Variants in GABRB1 observed in about 807,000 individuals in gnomAD.
GABRB1 encodes the protein gamma-aminobutyric acid type A receptor subunit beta1.
In GABRB1, 17 loss-of-function variants were observed where a neutral mutation model predicts 51.6. The observed-to-expected ratio is 0.33, with a 90% confidence interval of 0.23 to 0.49. GABRB1 has a LOEUF of 0.49. Ranked by LOEUF, GABRB1 falls within the 20% of genes least tolerant of loss-of-function variation. The pLI is 0.99. For missense variants in GABRB1, 410 were observed against 600.6 expected (o/e 0.68, Z 3.32); for synonymous variants, 247 against 218.9 (o/e 1.13, Z -1.14).
At chr4:47,215,805 C>A (rs1222156993) in intron 4 of GABRB1, among the ~76,000 whole-genome samples, 1 of 152,026 alleles carries the variant, frequency 6.6e-6, no homozygotes, top group African/African-American at 2.4e-5. Context: ...TGTATAGATG[C>A]TCAAACACCC....
intron 3 of GABRB1, among the ~76,000 whole-genome samples, chr4:47,079,993 A>T (rs7666148): frequency 0.8 from 120,911 of 151,868 alleles, 48,525 homozygotes; most frequent in South Asian, 0.85. Context: ...AAACTTAAAG[A>T]ATAATAAAAA....
chr4:47,142,099 G>A (rs1368999020), intron 3 of GABRB1, among the ~76,000 whole-genome samples: 2 of 151,880 alleles, frequency 1.3e-5, no homozygotes, highest in African/African-American at 4.8e-5. Context: ...TTCAATAAAT[G>A]TGATAAATGC....
At chr4:47,001,263 C>T (rs1724172788) in intron 1 of GABRB1, among the ~76,000 whole-genome samples, 2 of 152,108 alleles carry the variant, frequency 1.3e-5, no homozygotes, top group Non-Finnish European at 1.5e-5. Context: ...CTGCCTCAGC[C>T]TCCCGAGTAG....
chr4:47,013,456 G>A (rs1178655628), intron 1 of GABRB1, among the ~76,000 whole-genome samples: 1 of 152,108 alleles, frequency 6.6e-6, no homozygotes, highest in Non-Finnish European at 1.5e-5. Context: ...ACTGTGCCCG[G>A]TCTGTGCAGA....
intron 3 of GABRB1, among the ~76,000 whole-genome samples, chr4:47,060,016 C>T (rs528307025): frequency 6.6e-6 from 1 of 152,284 alleles, no homozygotes; most frequent in East Asian, 1.9e-4. Flanking sequence ...ATTTTTGACT[C>T]ATCAATCACT....
At chr4:47,115,230 C>T (rs1560541144) in intron 3 of GABRB1, among the ~76,000 whole-genome samples, 1 of 152,110 alleles carries the variant, frequency 6.6e-6, no homozygotes, top group Non-Finnish European at 1.5e-5. Context: ...CTTCTTATCC[C>T]CAGGCTTTTT....
At chr4:47,077,238 C>G (rs955209452) in intron 3 of GABRB1, among the ~76,000 whole-genome samples, 1 of 152,114 alleles carries the variant, frequency 6.6e-6, no homozygotes, top group African/African-American at 2.4e-5. Context: ...ATTTAAGGAG[C>G]TGAGTTCCCA....
intron 3 of GABRB1, among the ~76,000 whole-genome samples, chr4:47,127,160 T>C (rs934534253): frequency 1.3e-5 from 2 of 151,854 alleles, no homozygotes; most frequent in African/African-American, 4.8e-5. Context: ...TTATAGTATC[T>C]TTTTTGGATT....
At chr4:47,024,173 T>G (rs768331297) in intron 1 of GABRB1, among the ~76,000 whole-genome samples, 8 of 151,998 alleles carry the variant, frequency 5.3e-5, no homozygotes, top group South Asian at 2.1e-4. Context: ...TTGTTCTTCT[T>G]GTTGTGTACT....
intron 1 of GABRB1, among the ~76,000 whole-genome samples, chr4:47,005,349 C>T (rs1295228042): frequency 6.6e-6 from 1 of 152,086 alleles, no homozygotes; most frequent in Non-Finnish European, 1.5e-5. Flanking sequence ...ACCCGAGAGG[C>T]GGAGCTTGCA....
At chr4:47,183,345 C>CATATATAT (rs57840134) in intron 4 of GABRB1, among the ~76,000 whole-genome samples, 1,672 of 124,246 alleles carry the variant, frequency 0.013, 11 homozygotes, top group South Asian at 0.017. Context: ...TGTGTGTGTG[C>CATATATAT]ATATATATAT....
At chr4:47,327,895 C>T (rs1358121205) in intron 5 of GABRB1, among the ~76,000 whole-genome samples, 1 of 152,116 alleles carries the variant, frequency 6.6e-6, no homozygotes, top group Non-Finnish European at 1.5e-5. Flanking sequence ...CACTGACTTC[C>T]ACAATGGTTG....
intron 3 of GABRB1, among the ~76,000 whole-genome samples, chr4:47,057,565 G>A (rs1408589977): frequency 2.0e-5 from 3 of 152,198 alleles, no homozygotes; most frequent in Non-Finnish European, 4.4e-5. Context: ...CGTATCCTGT[G>A]CACATGCAGT....
intron 1 of GABRB1, among the ~76,000 whole-genome samples, chr4:47,017,466 G>A (rs1206054218): frequency 4.6e-5 from 7 of 152,134 alleles, no homozygotes; most frequent in Non-Finnish European, 2.9e-5. Context: ...ATATGAGATA[G>A]ACTTCTTTGA....
rs562805546 is a variant in GABRB1, at chr4:47,175,163, C to T, written c.461+13694C>T. The stretch of plus-strand genomic sequence containing the variant: ...TTCTTTCCTCTCTCTTTTCTTCTTT[C>T]TTTATCTTTCTTTCTTTTCTTTCTC... On this transcript the variant is annotated intron_variant, in intron 4 of 8. Coordinates refer to ENST00000295454, the MANE Select transcript of GABRB1 (RefSeq NM_000812.4). 6.8e-5 allele frequency among the ~76,000 whole-genome samples: 10 copies of T among 146,134 alleles called. No homozygotes were observed. In the South Asian group the frequency reaches 1.7e-3, roughly 25 times the overall value.
chr4:47,250,300 G>C (rs931663617), intron 4 of GABRB1, among the ~76,000 whole-genome samples: 1 of 152,172 alleles, frequency 6.6e-6, no homozygotes, highest in Non-Finnish European at 1.5e-5. Context: ...TTAGCTTGTA[G>C]GGTTTCTGCT....
chr4:47,297,061 C>T (rs1724029169), intron 4 of GABRB1, among the ~76,000 whole-genome samples: 2 of 152,014 alleles, frequency 1.3e-5, no homozygotes, highest in African/African-American at 2.4e-5. Context: ...TTGAAACCAA[C>T]AAGAACAAAG....
intron 4 of GABRB1, among the ~76,000 whole-genome samples, chr4:47,176,551 G>A (rs1718711243): frequency 6.6e-6 from 1 of 152,134 alleles, no homozygotes; most frequent in Non-Finnish European, 1.5e-5. Flanking sequence ...AGACGTGTAA[G>A]TGGAGAGGTT....
chr4:46,994,488 GAGAGAGAGAGAGAGACAGAGAGAGAC>G, intron 1 of GABRB1: 1 of 147,358 alleles, frequency 6.8e-6, no homozygotes, highest in African/African-American at 2.6e-5. Context: ...GTGTGTGAGA[GAGAGAGAGAGAGAGACAGAGAGAGAC>G]AGAGAGAGAG....
Sources: gnomAD v4.1 joint callset for allele counts (sites outside exome capture counted in the v4.1 genomes callset) on GRCh38, gnomAD v4.1.1 for gene constraint, MANE v1.5 for transcripts, NCBI Gene and HGNC (gene_info 2026-07-23, HGNC 2026-07-21) for gene names.